Variants in COL12A1 observed in about 807,000 individuals in gnomAD.
COL12A1 encodes the protein collagen type XII alpha 1 chain.
COL12A1 carries 114 observed loss-of-function variants against 349.7 expected under a neutral mutation model. The observed-to-expected ratio is 0.33, with a 90% CI of 0.28 to 0.38. The LOEUF (loss-of-function observed/expected upper bound fraction) is 0.38, where lower values mean the gene tolerates loss of function less well. Among genes scored for constraint, COL12A1 ranks in the 10% least tolerant of loss-of-function variants. The probability of loss-of-function intolerance (pLI) is 1.00; values close to 1 mark genes in which losing one functional copy is unlikely to be tolerated. For synonymous variants in COL12A1, 1,369 were observed against 1,329.0 expected (o/e 1.03, Z -0.66); for missense variants, 3,284 against 3,756.9 (o/e 0.87, Z 3.29).
rs1174168353 is a variant in COL12A1, at chr6:75,152,617, G to A, written c.3566-135C>T. ...CTATGGTCTAGCTCAGTGATGTGGAGTATAAGACTCTGAAAATATGTCCAT... is the reference window on the plus strand; with the variant it reads ...CTATGGTCTAGCTCAGTGATGTGGAATATAAGACTCTGAAAATATGTCCAT... On this transcript the variant is annotated intron_variant, in intron 17 of 65. Transcript: ENST00000322507. 6.7e-6 allele frequency: 6 copies of A among 897,666 alleles called. No individual in the cohort carries two copies. In the East Asian group the frequency reaches 1.2e-4, roughly 19 times the overall value. The allele number at this position is 897,666 out of a possible 1,614,324, so 55.6% of individuals were successfully genotyped here.
intron 65 of COL12A1, 153 bp downstream of exon 65, chr6:75,087,424 G>T: frequency 4.4e-6 from 3 of 681,950 alleles, no homozygotes; most frequent in East Asian, 2.8e-5. Flanking sequence ...TGTGTGCTAT[G>T]ATAGCAAACA....
chr6:75,196,096 A>T (rs1046357853), intron 2 of COL12A1, among the ~76,000 whole-genome samples: 1 of 152,220 alleles, frequency 6.6e-6, no homozygotes, highest in African/African-American at 2.4e-5. Context: ...TAAATATTTT[A>T]TAATGATATT....
intron 35 of COL12A1, among the ~76,000 whole-genome samples, 167 bp from the exon 36 acceptor site, chr6:75,131,148 T>G (rs1464326811): frequency 6.6e-6 from 1 of 152,172 alleles, no homozygotes; most frequent in African/African-American, 2.4e-5. Context: ...TTAAACAAAA[T>G]TTGTCCTCAG....
chr6:75,128,537 T>C, intron 37 of COL12A1, 112 bp from the exon 38 acceptor site: 1 of 870,020 alleles, frequency 1.1e-6, no homozygotes, highest in Non-Finnish European at 1.6e-6. Context: ...TTTTCACATT[T>C]TATTTTTGTT....
At chr6:75,196,024 T>C (rs188446275) in intron 2 of COL12A1, among the ~76,000 whole-genome samples, 138 of 152,332 alleles carry the variant, frequency 9.1e-4, no homozygotes, top group Non-Finnish European at 1.8e-3. Context: ...TTGACTTGTT[T>C]TTAGTTTCCC....
intron 2 of COL12A1, among the ~76,000 whole-genome samples, chr6:75,195,464 C>T (rs1156947629): frequency 1.3e-5 from 2 of 152,128 alleles, no homozygotes; most frequent in East Asian, 3.9e-4. Context: ...CATTATTTGC[C>T]TTGTAATTAT....
rs77377491 is a variant in COL12A1, at chr6:75,189,538, T to C, written c.658+14A>G. The C allele has an allele frequency of 1.3e-6, 2 of 1,598,158 alleles. No homozygotes were observed. Among genetic ancestry groups the C allele is most frequent in the Middle Eastern group, 1.7e-4 (1 of 5,940 alleles). On this transcript the variant is annotated intron_variant, in intron 6 of 65. Transcript: ENST00000322507. Reference sequence around the variant, plus strand: ...TCATTTATTTTTAACTTTAAAAAAATCTGTAGAACATACCTGTCATTGTGT... The same window carrying C: ...TCATTTATTTTTAACTTTAAAAAAACCTGTAGAACATACCTGTCATTGTGT...
intron 7 of COL12A1, among the ~76,000 whole-genome samples, chr6:75,188,770 CAG>C (rs990073383): frequency 6.6e-6 from 1 of 152,142 alleles, no homozygotes; most frequent in Non-Finnish European, 1.5e-5. Context: ...GTTGGTTAAA[CAG>C]AGTGGGCTTT....
At chr6:75,108,275 A>G (rs1768666605) in intron 52 of COL12A1, among the ~76,000 whole-genome samples, 1 of 151,640 alleles carries the variant, frequency 6.6e-6, no homozygotes, top group African/African-American at 2.4e-5. Context: ...TTTTATAGAG[A>G]CAGGGTCTCA....
At chr6:75,182,956 A>G (rs1241435931) in intron 10 of COL12A1, 94 bp downstream of exon 10, 5 of 1,431,110 alleles carry the variant, frequency 3.5e-6, no homozygotes, top group African/African-American at 1.4e-5. Context: ...TTTCGTGTCT[A>G]TAAGAAGAAT....
chr6:75,196,405 T>C (rs1770227595), intron 2 of COL12A1, among the ~76,000 whole-genome samples: 1 of 152,224 alleles, frequency 6.6e-6, no homozygotes, highest in Admixed American at 6.5e-5. Flanking sequence ...GTAATATTAA[T>C]AATATGTTTT....
intron 26 of COL12A1, 102 bp from the exon 27 acceptor site, chr6:75,142,263 G>A: frequency 7.3e-7 from 1 of 1,365,036 alleles, no homozygotes; most frequent in Non-Finnish European, 1.0e-6. Flanking sequence ...ATAAAATTGT[G>A]ATCAGAAAAG....
At chr6:75,205,182 G>T (rs1770718934) in intron 1 of COL12A1, among the ~76,000 whole-genome samples, 1 of 150,382 alleles carries the variant, frequency 6.6e-6, no homozygotes, top group Admixed American at 6.7e-5. Flanking sequence ...GGAAAAGTCC[G>T]CCAAGAATGA....
At chr6:75,099,717 T>C (rs544419) in intron 58 of COL12A1, among the ~76,000 whole-genome samples, 4,641 of 152,322 alleles carry the variant, frequency 0.03, 232 homozygotes, top group African/African-American at 0.11. Context: ...GCCATTTTCA[T>C]AGATACACAT....
chr6:75,156,070 T>C (rs1442730128), intron 15 of COL12A1, among the ~76,000 whole-genome samples, 187 bp downstream of exon 15: 2 of 152,182 alleles, frequency 1.3e-5, no homozygotes, highest in East Asian at 3.8e-4. Flanking sequence ...AGAACATTAA[T>C]ATGTAGAATC....
intron 12 of COL12A1, among the ~76,000 whole-genome samples, chr6:75,175,639 A>G (rs3777508): frequency 0.12 from 18,788 of 152,276 alleles, 1,496 homozygotes; most frequent in East Asian, 0.23. Context: ...ACTATAAAAT[A>G]TATACACATT....
Position 75,189,808 on chromosome 6 carries a change from A to C in COL12A1, c.402T>G (p.Ser134=), listed in dbSNP as rs778328272. ...KPGKTEIQKC[S]VSAWTDLVFL... ...AAACCAAATCAGTCCAGGCACTGAC[A>C]GAGCATTCTGAAATACATTTGATAT... is the stretch of plus-strand genomic sequence containing the variant. Residue 134 remains serine (S), a synonymous_variant, in exon 6 of 66, where the codon TCT becomes TCG. Transcript: ENST00000322507. The C allele has an allele frequency of 1.2e-6, 2 of 1,611,558 alleles. No individual in the cohort carries two copies. Among genetic ancestry groups the C allele is most frequent in the South Asian group, 2.2e-5 (2 of 90,910 alleles).
chr6:75,146,014 G>T, intron 24 of COL12A1, 88 bp downstream of exon 24: 1 of 1,307,748 alleles, frequency 7.6e-7, no homozygotes, highest in South Asian at 1.9e-5. Flanking sequence ...AGTTATAAAT[G>T]AGTTTGTAAG....
At position 75,175,195 on chromosome 6, in the gene COL12A1, C is replaced by T; in HGVS notation, c.2553G>A (p.Val851=). Residue 851 remains valine, a synonymous_variant, in exon 13 of 66, where the codon GTG becomes GTA. Coordinates refer to ENST00000322507, the MANE Select transcript of COL12A1 (RefSeq NM_004370.6). ...TGACCTCTTGAGTTTCACCCCCTGC[C>T]ACTGGGGTATATGTGACGAGATACT... ...VKQYLVTYTP[V]AGGETQEVTV... is the part of the protein sequence containing the mutation. 1.2e-6 allele frequency: 2 copies of T among 1,614,140 alleles called. No homozygotes were observed. The highest frequency in any genetic ancestry group is 1.7e-6 in the Non-Finnish European group (2 of 1,180,022).
Sources: gnomAD v4.1 joint callset for allele counts (sites outside exome capture counted in the v4.1 genomes callset) on GRCh38, gnomAD v4.1.1 for gene constraint, MANE v1.5 for transcripts, NCBI Gene and HGNC (gene_info 2026-07-23, HGNC 2026-07-21) for gene names.